The following PRKRA variants were observed in gnomAD, a reference collection of about 807,000 sequenced individuals.
The protein encoded by PRKRA is interferon-inducible double-stranded RNA-dependent protein kinase activator A.
In PRKRA, 22 loss-of-function variants were observed where a neutral mutation model predicts 32.4. The observed-to-expected ratio is 0.68, with a 90% CI of 0.49 to 0.97. PRKRA has a LOEUF of 0.97. PRKRA is among the 50% of genes least tolerant of loss of function. PRKRA has a pLI of 0.00. For missense variants in PRKRA, 319 were observed against 375.6 expected, an observed-to-expected ratio of 0.85 and a Z score of 1.25; for synonymous variants, 139 against 129.8, an observed-to-expected ratio of 1.07 and a Z score of -0.48.
Position 178,451,133 on chromosome 2 carries a change from C to T in PRKRA, c.-103G>A, listed in dbSNP as rs1276511315. 3 of 1,328,146 alleles carry T rather than the reference C, an allele frequency of 2.3e-6. No individual in the cohort carries two copies. The highest frequency in any genetic ancestry group is 1.5e-5 in the African/African-American group (1 of 64,910). 82.3% of individuals were successfully genotyped at this position (1,328,146 alleles called of 1,614,324 possible). ...GGGAGGAGCTCCAGCGCCGCCACCT[C>T]CTCCGACTCCCCCGCCTCCTGCTTG... On this transcript the variant is annotated 5_prime_UTR_variant, in exon 1 of 8. Coordinates refer to ENST00000325748, the MANE Select transcript of PRKRA (RefSeq NM_003690.5).
chr2:178,436,549 T>C (rs1395059264), intron 6 of PRKRA, among the ~76,000 whole-genome samples: 1 of 152,220 alleles, frequency 6.6e-6, no homozygotes, highest in Non-Finnish European at 1.5e-5. Context: ...ACTGAAAGCA[T>C]TTTGTATTTT....
rs1473685226 is a variant in PRKRA, at chr2:178,432,186, G to T, written c.853C>A (p.His285Asn). ...TTGCCACAGGAGATACCGGAGCCAT[G>T]ACAGACTGTGATGGGGCTGGTGGAC... ...ELSTSPITVCHGSGISCGNAQ... is the reference protein window; with the variant it reads ...ELSTSPITVCNGSGISCGNAQ... The change falls in exon 8 of 8, where the codon CAT becomes AAT. Residue 285 changes from histidine (H) to asparagine (N), a missense_variant. By Grantham distance (68) the His-to-Asn change is moderately conservative. Transcript: ENST00000325748. 1 of 1,614,210 alleles carries T rather than the reference G, an allele frequency of 6.2e-7. No individual in the cohort carries two copies. The highest frequency in any genetic ancestry group is 8.5e-7 in the Non-Finnish European group (1 of 1,180,006).
chr2:178,431,970 G>T lies in PRKRA; in HGVS notation c.*127C>A. The T allele has an allele frequency of 2.7e-6, 3 of 1,116,314 alleles. No individual in the cohort carries two copies. The highest frequency in any genetic ancestry group is 3.9e-6 in the Non-Finnish European group (3 of 762,122). The allele number at this position is 1,116,314 out of a possible 1,614,324, so 69.2% of individuals were successfully genotyped here. On this transcript the variant is annotated 3_prime_UTR_variant, in exon 8 of 8. Transcript: ENST00000325748. ...CTATGAGGAGATAATTAAATCTGGA[G>T]TGTTGATGGAATCTATGAAGAGATT...
Position 178,436,330 on chromosome 2 carries a change from G to A in PRKRA, c.610-11C>T, listed in dbSNP as rs750073750. ...TCCTACTACATTTGTCTGAAAAACA[G>A]AGATGAAGATTTAGACTCTTGACTA... On this transcript the variant is annotated splice_polypyrimidine_tract_variant and intron_variant, in intron 6 of 7. Transcript: ENST00000325748. 4.5e-5 allele frequency: 34 copies of A among 757,532 alleles called. No homozygotes were observed. The highest frequency in any genetic ancestry group is 6.5e-5 in the Non-Finnish European group (34 of 525,534). 46.9% of individuals were successfully genotyped at this position (757,532 alleles called of 1,614,324 possible).
Position 178,436,269 on chromosome 2 carries a change from A to C in PRKRA, c.660T>G (p.Asn220Lys), listed in dbSNP as rs1696890484. The change falls in exon 7 of 8, where the codon AAT (asparagine) becomes AAG (lysine). Residue 220 changes from asparagine to lysine, a missense_variant. Physicochemically the swap from Asn to Lys is moderately conservative, Grantham distance 94 (BLOSUM62 0). Transcript: ENST00000325748. The stretch of plus-strand genomic sequence containing the variant: ...GTAAGTTGATCTTTTCACCAGGAGA[A>C]TTCCTCAAGGAATGCCAAGTACATC... The part of the protein sequence containing the change: ...SLGCTWHSLR[N>K]SPGEKINLLK... 3.1e-6 allele frequency: 5 copies of C among 1,613,956 alleles called. No homozygotes were observed. Among genetic ancestry groups the C allele is most frequent in the Non-Finnish European group, 4.2e-6 (5 of 1,179,852 alleles).
In PRKRA at chr2:178,444,444, A is replaced by G. The variant is rs771761287; in HGVS notation, c.374T>C (p.Leu125Pro). ...TACCTGTAATGAACCAATAGGATTAAGCTGGTTCTTTGGTTGCTTGGAAGG... is the reference window on the plus strand; with the variant it reads ...TACCTGTAATGAACCAATAGGATTAGGCTGGTTCTTTGGTTGCTTGGAAGG... ...PDPSKQPKNQ[L>P]NPIGSLQELA... The change falls in exon 4 of 8, where the codon CTT becomes CCT. Residue 125 changes from leucine to proline, a missense_variant. Leu to Pro is a moderately conservative substitution (Grantham distance 98). Coordinates refer to ENST00000325748, the MANE Select transcript of PRKRA (RefSeq NM_003690.5). The G allele has an allele frequency of 1.9e-6, 3 of 1,602,886 alleles. No individual in the cohort carries two copies. The highest frequency in any genetic ancestry group is 8.5e-7 in the Non-Finnish European group (1 of 1,169,964).
rs761125829 is a variant in PRKRA at position 178,438,599 on chromosome 2, A to C, written c.610-2280T>G. The stretch of plus-strand genomic sequence containing the variant: ...CTTGCTCTCCCAACTCTTCCTTTTC[A>C]GTTTTCTTGGCTATTCTTGAGGGTT... On this transcript the variant is annotated intron_variant, in intron 6 of 7. Transcript: ENST00000325748. 7.8e-4 allele frequency among the ~76,000 whole-genome samples: 118 copies of C among 151,674 alleles called. 2 individuals are homozygous for C. The highest frequency in any genetic ancestry group is 2.6e-4 in the Non-Finnish European group (18 of 67,966).
At chr2:178,442,611 C>G (rs917369357) in intron 5 of PRKRA, among the ~76,000 whole-genome samples, 1 of 152,194 alleles carries the variant, frequency 6.6e-6, no homozygotes, top group Admixed American at 6.5e-5. Context: ...TGGCCTGGTG[C>G]TTTCTGTACT....
At chr2:178,439,148 T>C (rs1697020813) in intron 6 of PRKRA, 1 of 152,244 alleles carries the variant, frequency 6.6e-6, no homozygotes, top group Admixed American at 6.5e-5. Flanking sequence ...GGATCTTCTA[T>C]ATTCTAGTTA....
In PRKRA at chr2:178,432,731, C is replaced by T. The variant is rs547370694; in HGVS notation, c.785-477G>A. Among the ~76,000 whole-genome samples the T allele has an allele frequency of 4.6e-5, 7 of 152,222 alleles. No homozygotes were observed. In the East Asian group the frequency reaches 1.2e-3, roughly 25 times the overall value. On this transcript the variant is annotated intron_variant, in intron 7 of 7. Transcript: ENST00000325748. ...GAGGCATTTGAACCAGGAATAACTT[C>T]GGTCAAGGCAAAACCTCCCTTGTGT... is the stretch of plus-strand genomic sequence containing the variant.
chr2:178,435,220 G>A (rs1275745986), intron 7 of PRKRA, among the ~76,000 whole-genome samples: 64 of 141,590 alleles, frequency 4.5e-4, no homozygotes, highest in African/African-American at 1.5e-3. Context: ...CCATCTTGGG[G>A]AAAAAAAAAA....
In PRKRA at chr2:178,447,533, T is replaced by G; in HGVS notation, c.289A>C (p.Asn97His). The G allele has an allele frequency of 6.2e-7, 1 of 1,614,176 alleles. No individual in the cohort carries two copies. The highest frequency in any genetic ancestry group is 8.5e-7 in the Non-Finnish European group (1 of 1,179,996). ...AKHRAAEAAI[N>H]ILKANASICF... ...ATACTTGCATTGGCTTTCAAAATGT[T>G]TATGGCAGCCTCTGCAGCTCTATGT... The change falls in exon 3 of 8, where the codon AAC becomes CAC. Residue 97 changes from asparagine to histidine, a missense_variant. Coordinates refer to ENST00000325748, the MANE Select transcript of PRKRA (RefSeq NM_003690.5).
intron 2 of PRKRA, among the ~76,000 whole-genome samples, chr2:178,449,091 T>C (rs532054331): frequency 2.0e-5 from 3 of 152,170 alleles, no homozygotes; most frequent in African/African-American, 4.8e-5. Context: ...TGGAGGCAGA[T>C]AAGCTTGCAC....
intron 2 of PRKRA, among the ~76,000 whole-genome samples, chr2:178,449,260 T>A (rs944546541): frequency 2.0e-5 from 3 of 152,342 alleles, no homozygotes; most frequent in African/African-American, 2.4e-5. Context: ...CAGTGTTGAC[T>A]CTATGGTTCC....
chr2:178,450,629 G>C (rs1399399055), intron 1 of PRKRA: 86 of 1,451,518 alleles, frequency 5.9e-5, no homozygotes, highest in Non-Finnish European at 7.6e-5. Context: ...TCTTTAGAGA[G>C]AGCACTTGAA....
intron 2 of PRKRA, chr2:178,450,018 G>GT: frequency 1.6e-6 from 1 of 627,718 alleles, no homozygotes. Context: ...ATCCGGCTGG[G>GT]TAACTTTTTA....
rs546161861 is a variant in PRKRA at position 178,432,384 on chromosome 2, T to C, written c.785-130A>G. ...CCATGGTATACTACACCACTCGCAA[T>C]CTTTGTTTTGCTTGTACAAACAAAA... On this transcript the variant is annotated intron_variant, in intron 7 of 7. Transcript: ENST00000325748. 4 of 1,249,162 alleles carry C rather than the reference T, an allele frequency of 3.2e-6. No individual in the cohort carries two copies. In the South Asian group the frequency reaches 5.2e-5, roughly 16 times the overall value. 77.4% of individuals were successfully genotyped at this position (1,249,162 alleles called of 1,614,324 possible).
rs752279203 is a variant in PRKRA at position 178,437,500 on chromosome 2, G to C, written c.610-1181C>G. ...TTACCTTACGGATCTCCAACTGTGA[G>C]CTTTAGGTTGTTTCTAGTTTCTTGC... is the stretch of plus-strand genomic sequence containing the variant. On this transcript the variant is annotated intron_variant, in intron 6 of 7. Transcript: ENST00000325748. 8.3e-4 allele frequency among the ~76,000 whole-genome samples: 127 copies of C among 152,168 alleles called. 1 individual carries two copies. Among genetic ancestry groups the C allele is most frequent in the Non-Finnish European group, 2.6e-4 (18 of 68,030 alleles).
intron 4 of PRKRA, 34 bp downstream of exon 4, chr2:178,444,388 A>ATT: frequency 1.1e-6 from 1 of 911,640 alleles, no homozygotes; most frequent in Non-Finnish European, 1.5e-6. Flanking sequence ...CTTATTATAT[A>ATT]TTTCATCAGT....
Sources: allele counts gnomAD v4.1 joint callset (sites outside exome capture counted in the v4.1 genomes callset), GRCh38; gene constraint gnomAD v4.1.1; transcripts MANE v1.5; gene names NCBI Gene and HGNC (gene_info 2026-07-23, HGNC 2026-07-21).